C5: variants seen among roughly 807,000 people sequenced by gnomAD.
C5 encodes complement C5, also known as C3 and PZP-like alpha-2-macroglobulin domain-containing protein 4.
A neutral mutation model predicts 218.8 loss-of-function variants in C5; 140 were observed. The observed-to-expected ratio is 0.64, with a 90% confidence interval of 0.56 to 0.74. C5 has a LOEUF of 0.74. Ranked by LOEUF, C5 falls within the 30% of genes least tolerant of loss-of-function variation. The pLI, the probability that C5 is intolerant of heterozygous loss-of-function variation, is 0.00. For missense variants in C5, 1,700 were observed against 1,969.6 expected (o/e 0.86, Z 2.59); for synonymous variants, 614 against 682.3 (o/e 0.90, Z 1.56).
At chr9:121,066,207 G>T in the C5 span, among the ~76,000 whole-genome samples, 2 of 151,316 alleles carry the variant, frequency 1.3e-5, no homozygotes, top group African/African-American at 4.9e-5. Flanking sequence ...AGCTACTCAG[G>T]AGGCTGAGGC....
At chr9:121,069,514 G>C in the C5 span, among the ~76,000 whole-genome samples, 1 of 151,460 alleles carries the variant, frequency 6.6e-6, no homozygotes, top group African/African-American at 2.4e-5. Context: ...GGAGGATGTG[G>C]AGAAAAAGAA....
rs1440370505 is a variant in C5, at chr9:121,030,406, A to G, written c.749T>C (p.Ile250Thr). Residue 250 changes from isoleucine to threonine, a missense_variant, in exon 7 of 41, where the codon ATA (isoleucine) becomes ACA (threonine). Physicochemically the swap from Ile to Thr is moderately conservative, Grantham distance 89. Transcript: ENST00000223642. ...AAACAAATGTTCTTACCTTGCTTTT[A>G]TAGTAATTTCAAAATTCTTAAAGTT... ...YKNFKNFEIT[I>T]KARYFYNKVV... The G allele has an allele frequency of 6.8e-7, 1 of 1,461,086 alleles. No homozygotes were observed. The highest frequency in any genetic ancestry group is 9.3e-7 in the Non-Finnish European group (1 of 1,071,484). The allele number at this position is 1,461,086 out of a possible 1,614,324, so 90.5% of individuals were successfully genotyped here. A position where few individuals can be genotyped will look rare whatever the true frequency, so the allele number is the denominator to read the frequency against.
chr9:120,982,680 G>C lies in C5; in HGVS notation c.3365C>G (p.Ser1122Ter). ...CTGTAATTTTATTGGTTGATACTGT[G>C]AATTTTCCTTGAAAGATCCATTATC... ...QLDNGSFKENSQYQPIKLQGT... is the reference protein window; with the variant it reads ...QLDNGSFKEN The change falls in exon 26 of 41, where the codon TCA becomes TGA. Residue 1122 changes from serine (S) to a stop codon, truncating the protein, a stop_gained. Transcript: ENST00000223642. LOFTEE classifies it high-confidence loss of function. 1.2e-6 allele frequency: 2 copies of C among 1,606,886 alleles called. No individual in the cohort carries two copies. Among genetic ancestry groups the C allele is most frequent in the Non-Finnish European group, 1.7e-6 (2 of 1,174,280 alleles).
chr9:121,027,024 A>C, intron 8 of C5, 136 bp downstream of exon 8: 1 of 685,208 alleles, frequency 1.5e-6, no homozygotes, highest in East Asian at 2.7e-5. Context: ...CCTAAAGGCA[A>C]AGGGAAGCCA....
the C5 span, among the ~76,000 whole-genome samples, chr9:121,074,081 G>A: frequency 1.6e-4 from 25 of 152,308 alleles, no homozygotes; most frequent in Admixed American, 3.9e-4. Context: ...ACGCTGCTAA[G>A]ATGATAGGAT....
At position 120,963,073 on chromosome 9, in the gene C5, C is replaced by T. The variant is rs546104809; in HGVS notation, c.4324-106G>A. 12 of 902,962 alleles carry T rather than the reference C, an allele frequency of 1.3e-5. No homozygotes were observed. The South Asian group carries it at 1.6e-4, about 12-fold the overall frequency. 55.9% of individuals were successfully genotyped at this position (902,962 alleles called of 1,614,324 possible). A position where few individuals can be genotyped will look rare whatever the true frequency, so the allele number is the denominator to read the frequency against. ...CAATGCAGGGATGTGATCTGTAATT[C>T]AAAGAAATTGAAGAGCAGTTCCTCT... On this transcript the variant is annotated intron_variant, in intron 34 of 40. Transcript: ENST00000223642.
chr9:120,976,437 A>G (rs2046953481), intron 29 of C5, among the ~76,000 whole-genome samples: 1 of 152,234 alleles, frequency 6.6e-6, no homozygotes. Flanking sequence ...TCATGAAGGA[A>G]GTACTGGGCT....
At chr9:120,978,801 G>A (rs2046970886) in intron 28 of C5, among the ~76,000 whole-genome samples, 1 of 152,086 alleles carries the variant, frequency 6.6e-6, no homozygotes, top group Non-Finnish European at 1.5e-5. Context: ...TATAAGCCAG[G>A]TCATGCACTC....
Position 120,961,531 on chromosome 9 carries a change from A to G in C5, c.4539T>C (p.Asn1513=), listed in dbSNP as rs771783572. ...CTTCACAGACTTTCTGAATTTTGAT[A>G]TTGGAAGTGCTATAAAACATGGTAC... ...KQCTMFYSTS[N]IKIQKVCEGA... The change falls in exon 37 of 41, where the codon AAT becomes AAC. Residue 1513 remains asparagine, a synonymous_variant. Coordinates refer to ENST00000223642, the MANE Select transcript of C5 (RefSeq NM_001735.3). The G allele has an allele frequency of 1.2e-6, 2 of 1,613,078 alleles. No individual in the cohort carries two copies. The highest frequency in any genetic ancestry group is 1.3e-5 in the African/African-American group (1 of 74,912).
chr9:121,020,371 A>G (rs982232930), intron 11 of C5, among the ~76,000 whole-genome samples, 192 bp from the exon 12 acceptor site: 1 of 152,242 alleles, frequency 6.6e-6, no homozygotes, highest in Non-Finnish European at 1.5e-5. Flanking sequence ...AAGACTACAG[A>G]CAAGAATGAT....
At chr9:121,072,626 G>A in the C5 span, among the ~76,000 whole-genome samples, 1 of 151,906 alleles carries the variant, frequency 6.6e-6, no homozygotes, top group South Asian at 2.1e-4. Context: ...GACCAACATG[G>A]TGAAACTCTG....
intron 7 of C5, among the ~76,000 whole-genome samples, chr9:121,029,187 T>G (rs1170667154): frequency 6.6e-6 from 1 of 152,254 alleles, no homozygotes; most frequent in Non-Finnish European, 1.5e-5. Context: ...TTTCCTTATT[T>G]ATGGTTTGAA....
intron 25 of C5, among the ~76,000 whole-genome samples, chr9:120,988,700 A>C (rs2131709138): frequency 6.6e-6 from 1 of 152,336 alleles, no homozygotes; most frequent in East Asian, 1.9e-4. Flanking sequence ...GCATGATCTA[A>C]CATATGTTTT....
intron 18 of C5, 22 bp from the exon 19 acceptor site, chr9:121,006,999 T>C (rs779480910): frequency 1.9e-6 from 3 of 1,560,902 alleles, no homozygotes; most frequent in Non-Finnish European, 2.7e-6. Context: ...AATGTTGATA[T>C]TCAAATACAG....
chr9:121,063,750 A>C, the C5 span, among the ~76,000 whole-genome samples: 1 of 152,220 alleles, frequency 6.6e-6, no homozygotes. Context: ...AATTGTTTGC[A>C]GCAATATCCA....
In C5 at chr9:120,962,858, A is replaced by G. The variant is rs754524189; in HGVS notation, c.4398+35T>C. On this transcript the variant is annotated intron_variant, in intron 35 of 40. Coordinates refer to ENST00000223642, the MANE Select transcript of C5 (RefSeq NM_001735.3). ...TTTAGCCTGTATATTTTGAATAGTA[A>G]TAGTAAAGGAAAAATGGTTGCAGGT... 1.9e-6 allele frequency: 3 copies of G among 1,605,640 alleles called. No individual in the cohort carries two copies. In the South Asian group the frequency reaches 3.3e-5, roughly 18 times the overall value.
At chr9:121,062,593 T>C in the C5 span, among the ~76,000 whole-genome samples, 1 of 152,140 alleles carries the variant, frequency 6.6e-6, no homozygotes, top group African/African-American at 2.4e-5. Context: ...AAACAAAGAA[T>C]GTCAAGAACA....
chr9:120,975,329 T>C (rs926067884), intron 29 of C5, among the ~76,000 whole-genome samples: 4 of 152,238 alleles, frequency 2.6e-5, no homozygotes, highest in Non-Finnish European at 4.4e-5. Context: ...GGTTCCCTTT[T>C]TGCCCTTTCT....
intron 7 of C5, 51 bp from the exon 8 acceptor site, chr9:121,027,325 G>A: frequency 1.1e-6 from 1 of 876,106 alleles, no homozygotes; most frequent in Non-Finnish European, 1.9e-6. Context: ...ACAATAACAG[G>A]ATTCAGATAA....
Sources: allele counts gnomAD v4.1 joint callset (sites outside exome capture counted in the v4.1 genomes callset), GRCh38; gene constraint gnomAD v4.1.1; transcripts MANE v1.5; gene names NCBI Gene and HGNC (gene_info 2026-07-23, HGNC 2026-07-21).